Variants in F9 observed in about 807,000 individuals in gnomAD.
F9 encodes coagulation factor IX.
In F9, 2 loss-of-function variants were observed where a neutral mutation model predicts 34.1. The observed-to-expected ratio is 0.06, with a 90% CI of 0.02 to 0.18. F9 has a LOEUF of 0.18. F9 is among the 10% of genes least tolerant of loss of function. F9 has a pLI of 1.00. For missense variants in F9, 216 were observed against 345.1 expected (o/e 0.63, Z 2.96); for synonymous variants, 137 against 118.8 (o/e 1.15, Z -1.00).
At chrX:139,557,954 G>A (rs888930241) in intron 6 of F9, among the ~76,000 whole-genome samples, 1 of 111,970 alleles carries the variant, frequency 8.9e-6, no homozygotes. Flanking sequence ...GTGGTTTCTC[G>A]ACCTCCCACT....
chrX:139,533,129 G>A (rs1440564236), intron 1 of F9, among the ~76,000 whole-genome samples: 1 of 111,611 alleles, frequency 9.0e-6, no homozygotes, highest in Non-Finnish European at 1.9e-5. Flanking sequence ...TACAAAAAAA[G>A]AGGGGAGTTC....
At chrX:139,537,332 C>T in intron 2 of F9, 30 bp from the exon 3 acceptor site, 2 of 1,174,901 alleles carry the variant, frequency 1.7e-6, no homozygotes, top group African/African-American at 1.8e-5. Flanking sequence ...TAGATATTAC[C>T]GTTAATTTGT....
At chrX:139,556,740 A>G (rs1191167244) in intron 6 of F9, among the ~76,000 whole-genome samples, 1 of 112,481 alleles carries the variant, frequency 8.9e-6, no homozygotes, top group African/African-American at 3.2e-5. Flanking sequence ...AATGCATTTC[A>G]ATGACTAGTT....
chrX:139,544,131 T>C (rs184782354), intron 4 of F9, among the ~76,000 whole-genome samples: 2 of 111,951 alleles, frequency 1.8e-5, no homozygotes, highest in East Asian at 2.8e-4. Flanking sequence ...AGAATCACAA[T>C]TGAGAAAACA....
At chrX:139,548,262 C>T (rs748263694) in intron 4 of F9, 101 bp from the exon 5 acceptor site, 23 of 922,189 alleles carry the variant, frequency 2.5e-5, no homozygotes, top group Non-Finnish European at 3.4e-5. Flanking sequence ...AACATGAATG[C>T]CCCCAATGTA....
At chrX:139,534,504 C>G (rs1048157852) in intron 1 of F9, among the ~76,000 whole-genome samples, 2 of 111,686 alleles carry the variant, frequency 1.8e-5, no homozygotes, top group African/African-American at 6.5e-5. Context: ...AACTGCAGAT[C>G]AAAAATATTC....
chrX:139,540,971 C>T (rs1344694193), intron 3 of F9, 105 bp from the exon 4 acceptor site: 13 of 556,948 alleles, frequency 2.3e-5, no homozygotes, highest in Non-Finnish European at 3.8e-5. Flanking sequence ...AGTAGTTTTG[C>T]TCTGACCCTA....
chrX:139,534,592 G>A (rs4149673), intron 1 of F9, among the ~76,000 whole-genome samples: 3,762 of 112,191 alleles, frequency 0.034, 141 homozygotes, highest in African/African-American at 0.12. Flanking sequence ...AAACAATACA[G>A]CATAACAACT....
At chrX:139,551,858 G>A (rs999437673) in intron 6 of F9, among the ~76,000 whole-genome samples, 8 of 111,449 alleles carry the variant, frequency 7.2e-5, no homozygotes, top group African/African-American at 1.6e-4. Flanking sequence ...CAGTCTGTGC[G>A]CAAACAAGCA....
chrX:139,537,224 T>A, intron 2 of F9, 51 bp downstream of exon 2: 1 of 1,171,668 alleles, frequency 8.5e-7, no homozygotes, highest in Non-Finnish European at 1.2e-6. Context: ...GAATAGAAAA[T>A]CTTTAAAAAG....
chrX:139,537,837 C>G (rs2148356636), intron 3 of F9, among the ~76,000 whole-genome samples: 1 of 111,368 alleles, frequency 9.0e-6, no homozygotes, highest in Non-Finnish European at 1.9e-5. Context: ...TCCTCGCACA[C>G]TGGGCTCCAG....
intron 5 of F9, among the ~76,000 whole-genome samples, chrX:139,549,672 C>T (rs908564223): frequency 8.9e-6 from 1 of 112,313 alleles, no homozygotes; most frequent in Non-Finnish European, 1.9e-5. Context: ...AGCAGTTTTC[C>T]GCCCTGGGTG....
At chrX:139,535,410 T>G (rs1457530757) in intron 1 of F9, among the ~76,000 whole-genome samples, 1 of 110,157 alleles carries the variant, frequency 9.1e-6, no homozygotes, top group African/African-American at 3.3e-5. Flanking sequence ...AGAAAAAAAG[T>G]GAGCCCAAAA....
chrX:139,561,853 A>G lies in F9; in HGVS notation c.1168A>G (p.Ile390Val), dbSNP rs1287011273. 8.3e-7 allele frequency: 1 copy of G among 1,210,139 alleles called. No individual in the cohort carries two copies. Among genetic ancestry groups the G allele is most frequent in the African/African-American group, 1.7e-5 (1 of 57,170 alleles). ...ATGTCTTCGATCTACAAAGTTCACC[A>G]TCTATAACAACATGTTCTGTGCTGG... ...ATCLRSTKFT[I>V]YNNMFCAGFH... Residue 390 changes from isoleucine (I) to valine (V), a missense_variant, in exon 8 of 8, where the codon ATC (isoleucine) becomes GTC (valine). Coordinates refer to ENST00000218099, the MANE Select transcript of F9 (RefSeq NM_000133.4).
intron 6 of F9, among the ~76,000 whole-genome samples, chrX:139,553,761 C>T (rs1177217074): frequency 2.1e-5 from 2 of 94,291 alleles, no homozygotes; most frequent in Non-Finnish European, 4.1e-5. Flanking sequence ...GGCAGTGAGC[C>T]GAGATCCCGC....
intron 5 of F9, 56 bp downstream of exon 5, chrX:139,548,547 T>C (rs1344347029): frequency 1.6e-4 from 176 of 1,121,409 alleles, no homozygotes; most frequent in South Asian, 1.0e-3. Flanking sequence ...CTTCAGCATT[T>C]TAACAAACCT....
intron 4 of F9, 108 bp downstream of exon 4, chrX:139,541,297 T>G (rs767515072): frequency 2.2e-6 from 1 of 460,895 alleles, no homozygotes; most frequent in Non-Finnish European, 3.8e-6. Flanking sequence ...AAAACATACC[T>G]TTGATGCTTA....
At position 139,534,465 on chromosome X, in the gene F9, T is replaced by C. The variant is rs4149669; in HGVS notation, c.89-2545T>C. On this transcript the variant is annotated intron_variant, in intron 1 of 7. Transcript: ENST00000218099. ...AACCACACTGTACAGTCAGCTCTCC[T>C]TGTGAGTTCCACAGCCACAGATTCA... is the stretch of plus-strand genomic sequence containing the variant. Among the ~76,000 whole-genome samples the C allele has an allele frequency of 4.7e-3, 524 of 111,931 alleles. 5 individuals carry two copies. Among genetic ancestry groups the C allele is most frequent in the African/African-American group, 0.016 (501 of 30,790 alleles).
chrX:139,538,569 G>A lies in F9; in HGVS notation c.277+1183G>A, dbSNP rs148355190. ...CTCCACTTTTGTTTTTAAATCATGA[G>A]AGAAAAAGAGTTGACTCTGTTATAT... On this transcript the variant is annotated intron_variant, in intron 3 of 7. Coordinates refer to ENST00000218099, the MANE Select transcript of F9 (RefSeq NM_000133.4). 2.9e-4 allele frequency among the ~76,000 whole-genome samples: 32 copies of A among 111,472 alleles called. No homozygotes were observed. The East Asian group carries it at 9.0e-3, about 31-fold the overall frequency.
Sources: gnomAD v4.1 joint callset for allele counts (sites outside exome capture counted in the v4.1 genomes callset) on GRCh38, gnomAD v4.1.1 for gene constraint, MANE v1.5 for transcripts, NCBI Gene and HGNC (gene_info 2026-07-23, HGNC 2026-07-21) for gene names.